The following HPSE2 variants were observed in gnomAD, a reference collection of about 807,000 sequenced individuals.
HPSE2 encodes the protein heparanase 2 (inactive).
HPSE2 carries 38 observed loss-of-function variants against 60.5 expected under a neutral mutation model. That is an observed-to-expected ratio of 0.63 (90% CI 0.48 to 0.82). The LOEUF is 0.82. Among genes scored for constraint, HPSE2 ranks in the 40% least tolerant of loss-of-function variants. HPSE2 has a pLI of 0.00. For missense variants in HPSE2, 713 were observed against 740.4 expected, an observed-to-expected ratio of 0.96 and a Z score of 0.43; for synonymous variants, 295 against 293.2, an observed-to-expected ratio of 1.01 and a Z score of -0.06.
intron 6 of HPSE2, among the ~76,000 whole-genome samples, chr10:98,670,355 A>G (rs1947473847): frequency 1.3e-5 from 2 of 152,236 alleles, no homozygotes; most frequent in Admixed American, 1.3e-4. Flanking sequence ...AAGAAATAAA[A>G]ACTGTCTTTG....
chr10:99,309,406 T>A, the HPSE2 span, among the ~76,000 whole-genome samples: 1 of 152,172 alleles, frequency 6.6e-6, no homozygotes, highest in East Asian at 1.9e-4. Context: ...AGAGTACAAC[T>A]AAACAGTCAA....
chr10:99,165,743 C>T (rs1314362836), intron 2 of HPSE2, among the ~76,000 whole-genome samples: 2 of 151,988 alleles, frequency 1.3e-5, no homozygotes, highest in East Asian at 1.9e-4. Context: ...GACGGGGTTT[C>T]ACCATGCTGG....
At chr10:98,909,264 A>C (rs570241073) in intron 3 of HPSE2, among the ~76,000 whole-genome samples, 2 of 151,998 alleles carry the variant, frequency 1.3e-5, no homozygotes, top group South Asian at 2.1e-4. Context: ...AATTTTCCTT[A>C]TTCTTTTCCT....
At chr10:98,477,459 C>T (rs1280020003) in intron 11 of HPSE2, among the ~76,000 whole-genome samples, 3 of 152,176 alleles carry the variant, frequency 2.0e-5, no homozygotes, top group Non-Finnish European at 2.9e-5. Context: ...TCTTAGCATC[C>T]GCTTGTTCCC....
chr10:98,459,873 C>A, intron 11 of HPSE2, 134 bp from the exon 12 acceptor site: 1 of 869,338 alleles, frequency 1.2e-6, no homozygotes, highest in South Asian at 1.5e-5. Flanking sequence ...TGGCTATGCC[C>A]TAGATTCTGA....
intron 9 of HPSE2, among the ~76,000 whole-genome samples, chr10:98,573,297 T>C (rs532086726): frequency 2.0e-5 from 3 of 152,336 alleles, no homozygotes; most frequent in Non-Finnish European, 2.9e-5. Context: ...CTCACTTCTA[T>C]TGTAGAAAAG....
At chr10:99,245,349 G>T in the HPSE2 span, among the ~76,000 whole-genome samples, 40 of 152,248 alleles carry the variant, frequency 2.6e-4, no homozygotes, top group East Asian at 7.7e-3. Context: ...GATGACAAAG[G>T]ATACCACATT....
intron 2 of HPSE2, among the ~76,000 whole-genome samples, chr10:99,161,759 T>C (rs1229346350): frequency 3.9e-5 from 6 of 152,088 alleles, no homozygotes; most frequent in African/African-American, 1.4e-4. Context: ...CTATTTACAG[T>C]AGCCAAAAGG....
intron 3 of HPSE2, among the ~76,000 whole-genome samples, chr10:98,805,694 G>C (rs1333400715): frequency 6.6e-6 from 1 of 151,974 alleles, no homozygotes; most frequent in Non-Finnish European, 1.5e-5. Flanking sequence ...AAATAAAATA[G>C]ACTAGATATT....
chr10:98,486,825 A>AT (rs1411705178), intron 10 of HPSE2, among the ~76,000 whole-genome samples: 1 of 152,154 alleles, frequency 6.6e-6, no homozygotes. Context: ...TTTGCCAAAC[A>AT]TTTTTTCCCT....
At chr10:99,308,959 C>T in the HPSE2 span, among the ~76,000 whole-genome samples, 2 of 152,068 alleles carry the variant, frequency 1.3e-5, no homozygotes, top group African/African-American at 4.8e-5. Context: ...CATTGAGAAA[C>T]AGGCAGATTT....
chr10:98,868,606 T>C (rs76520233), intron 3 of HPSE2, among the ~76,000 whole-genome samples: 2,262 of 152,242 alleles, frequency 0.015, 52 homozygotes, highest in African/African-American at 0.051. Flanking sequence ...AAATATCTCA[T>C]GTACCCCATA....
At chr10:98,541,912 AGCAGTAACCTCT>A (rs1943478982) in intron 9 of HPSE2, among the ~76,000 whole-genome samples, 1 of 152,150 alleles carries the variant, frequency 6.6e-6, no homozygotes, top group Non-Finnish European at 1.5e-5. Flanking sequence ...ACAAAAAGAC[AGCAGTAACCTCT>A]GCAGACTTAA....
At chr10:99,090,535 C>T (rs1843477107) in intron 3 of HPSE2, among the ~76,000 whole-genome samples, 1 of 151,592 alleles carries the variant, frequency 6.6e-6, no homozygotes, top group Non-Finnish European at 1.5e-5. Context: ...TCAATAAGTG[C>T]TAAATAAAAT....
At chr10:98,970,011 G>C (rs1243379369) in intron 3 of HPSE2, among the ~76,000 whole-genome samples, 2 of 151,798 alleles carry the variant, frequency 1.3e-5, no homozygotes, top group East Asian at 3.9e-4. Flanking sequence ...TGCCCAGCTG[G>C]AGTGCAATGG....
chr10:99,289,527 T>C, the HPSE2 span, among the ~76,000 whole-genome samples: 1 of 81,280 alleles, frequency 1.2e-5, no homozygotes, highest in African/African-American at 5.7e-5. Context: ...TTCTTGAAAG[T>C]TAATTAATTT....
At chr10:98,911,147 CA>C (rs1953966305) in intron 3 of HPSE2, among the ~76,000 whole-genome samples, 1 of 152,162 alleles carries the variant, frequency 6.6e-6, no homozygotes. Context: ...AAGACCTCAA[CA>C]AATGTGGCTG....
chr10:98,792,720 A>G (rs1950684368), intron 3 of HPSE2, among the ~76,000 whole-genome samples: 1 of 151,876 alleles, frequency 6.6e-6, no homozygotes, highest in Admixed American at 6.6e-5. Context: ...TCTCCAACCA[A>G]TTGTACAAAG....
chr10:98,540,240 A>G lies in HPSE2; in HGVS notation c.1321-50044T>C, dbSNP rs535190726. ...AAACCACCAATGGCAGAGCATATAC[A>G]TTAAACCATTTTTTAGCAATAGGGT... On this transcript the variant is annotated intron_variant, in intron 9 of 11. Transcript: ENST00000370552. Among the ~76,000 whole-genome samples the G allele has an allele frequency of 6.6e-5, 10 of 152,370 alleles. No individual in the cohort carries two copies. The South Asian group carries it at 1.4e-3, about 22-fold the overall frequency.
Sources: gnomAD v4.1 joint callset for allele counts (sites outside exome capture counted in the v4.1 genomes callset) on GRCh38, gnomAD v4.1.1 for gene constraint, MANE v1.5 for transcripts, NCBI Gene and HGNC (gene_info 2026-07-23, HGNC 2026-07-21) for gene names.